ZMYM2: variants seen among roughly 807,000 people sequenced by gnomAD.
ZMYM2 encodes zinc finger MYM-type containing 2, also known as zinc finger MYM-type protein 2.
ZMYM2 carries 56 observed loss-of-function variants against 162.8 expected under a neutral mutation model. That is an observed-to-expected ratio of 0.34 (90% CI 0.28 to 0.43). The LOEUF (loss-of-function observed/expected upper bound fraction) is 0.43. ZMYM2 is among the 20% of genes least tolerant of loss of function. The pLI, the probability that ZMYM2 is intolerant of heterozygous loss-of-function variation, is 1.00. For synonymous variants in ZMYM2, 510 were observed against 541.6 expected (o/e 0.94, Z 0.81); for missense variants, 1,275 against 1,621.8 (o/e 0.79, Z 3.67).
chr13:19,877,966 C>G, the ZMYM2 span, among the ~76,000 whole-genome samples: 4 of 152,100 alleles, frequency 2.6e-5, no homozygotes, highest in Non-Finnish European at 2.9e-5. Context: ...CTGTTTTCCA[C>G]AGCATCTGTA....
At chr13:19,938,078 T>A in the ZMYM2 span, among the ~76,000 whole-genome samples, 8 of 152,196 alleles carry the variant, frequency 5.3e-5, no homozygotes, top group Non-Finnish European at 1.2e-4. Context: ...TGGTTCCAAG[T>A]CTTTGCCATT....
chr13:20,031,831 A>G (rs1049247831), intron 10 of ZMYM2, among the ~76,000 whole-genome samples: 1 of 141,574 alleles, frequency 7.1e-6, no homozygotes, highest in African/African-American at 2.6e-5. Context: ...CATATACCAC[A>G]TTGTCATTTA....
At chr13:19,972,044 A>G (rs551543459) in intron 2 of ZMYM2, among the ~76,000 whole-genome samples, 22 of 152,320 alleles carry the variant, frequency 1.4e-4, no homozygotes, top group African/African-American at 5.3e-4. Flanking sequence ...TTTTGGTCCT[A>G]TAGGAGAGAA....
At chr13:20,044,027 T>G (rs1454356965) in intron 12 of ZMYM2, among the ~76,000 whole-genome samples, 1 of 152,080 alleles carries the variant, frequency 6.6e-6, no homozygotes, top group South Asian at 2.1e-4. Context: ...GCCAACAGAT[T>G]AAGGGATGCT....
the ZMYM2 span, among the ~76,000 whole-genome samples, chr13:19,932,709 T>C: frequency 6.6e-6 from 1 of 151,592 alleles, no homozygotes; most frequent in Non-Finnish European, 1.5e-5. Context: ...TGTGAACATG[T>C]GAAGATCCAG....
intron 12 of ZMYM2, among the ~76,000 whole-genome samples, chr13:20,048,417 C>T (rs1171818700): frequency 2.6e-5 from 4 of 151,822 alleles, no homozygotes; most frequent in Non-Finnish European, 5.9e-5. Context: ...CACCTTTTAT[C>T]CCTGCATTCT....
the ZMYM2 span, among the ~76,000 whole-genome samples, chr13:19,865,202 T>C: frequency 2.0e-5 from 3 of 148,716 alleles, no homozygotes; most frequent in South Asian, 4.1e-4. Flanking sequence ...TAAAATACGC[T>C]AACAGTAACA....
chr13:19,884,661 A>G, the ZMYM2 span, among the ~76,000 whole-genome samples: 3 of 152,262 alleles, frequency 2.0e-5, no homozygotes, highest in African/African-American at 7.2e-5. Context: ...CCGGTGTGCC[A>G]TAGTTCTTAA....
chr13:19,961,251 A>G (rs560343320), intron 2 of ZMYM2, among the ~76,000 whole-genome samples: 2 of 152,234 alleles, frequency 1.3e-5, no homozygotes, highest in South Asian at 4.1e-4. Flanking sequence ...AACATGTGTT[A>G]AGTAATTTAA....
At chr13:20,019,307 T>C (rs1951878605) in intron 6 of ZMYM2, among the ~76,000 whole-genome samples, 1 of 152,176 alleles carries the variant, frequency 6.6e-6, no homozygotes, top group Non-Finnish European at 1.5e-5. Flanking sequence ...CTTTAATTCC[T>C]TAGCCCATTA....
rs1004693101 is a variant in ZMYM2 at position 19,999,452 on chromosome 13, C to G, written c.848-3398C>G. Among the ~76,000 whole-genome samples, 15 of 152,026 alleles carry G rather than the reference C, an allele frequency of 9.9e-5. 1 individual carries two copies. Among genetic ancestry groups the G allele is most frequent in the African/African-American group, 3.6e-4 (15 of 41,358 alleles). ...GTTACTATTGTAATTGTTTTGGATG[C>G]CACAAACCATACCCATATGAGAGTG... On this transcript the variant is annotated intron_variant, in intron 3 of 24. Coordinates refer to ENST00000610343, the MANE Select transcript of ZMYM2 (RefSeq NM_197968.4).
chr13:19,910,536 T>C, the ZMYM2 span, among the ~76,000 whole-genome samples: 1 of 150,222 alleles, frequency 6.7e-6, no homozygotes, highest in Admixed American at 6.6e-5. Flanking sequence ...CTCTCTCTCT[T>C]TTTTTTTTTT....
At chr13:20,002,620 G>A (rs1950479547) in intron 3 of ZMYM2, among the ~76,000 whole-genome samples, 1 of 151,648 alleles carries the variant, frequency 6.6e-6, no homozygotes, top group African/African-American at 2.4e-5. Context: ...CCCTTTTTTT[G>A]TGCTGAGAAC....
At chr13:19,935,380 G>A in the ZMYM2 span, among the ~76,000 whole-genome samples, 2 of 151,956 alleles carry the variant, frequency 1.3e-5, no homozygotes, top group South Asian at 2.1e-4. Flanking sequence ...CAAGTGATCC[G>A]CCTGCCTCAG....
chr13:19,951,455 T>G, the ZMYM2 span, among the ~76,000 whole-genome samples: 1 of 139,540 alleles, frequency 7.2e-6, no homozygotes, highest in Admixed American at 8.1e-5. Flanking sequence ...TTTGGGAGGC[T>G]GAGGCAGGTG....
intron 12 of ZMYM2, among the ~76,000 whole-genome samples, 161 bp from the exon 13 acceptor site, chr13:20,051,272 T>TTTTC (rs1955312209): frequency 6.8e-6 from 1 of 147,776 alleles, no homozygotes; most frequent in East Asian, 2.0e-4. Context: ...TTTTTTTTTT[T>TTTTC]CATTTATTGT....
chr13:20,050,311 C>T (rs948572827), intron 12 of ZMYM2, among the ~76,000 whole-genome samples: 1 of 151,770 alleles, frequency 6.6e-6, no homozygotes, highest in Non-Finnish European at 1.5e-5. Flanking sequence ...GTTAACATTC[C>T]TGACCAGGAA....
In ZMYM2 at chr13:20,062,899, C is replaced by T. The variant is rs192135180; in HGVS notation, c.2965C>T (p.Pro989Ser). 1.0e-5 allele frequency: 16 copies of T among 1,598,806 alleles called. No homozygotes were observed. In the African/African-American group the frequency reaches 1.9e-4, roughly 19 times the overall value. Residue 989 changes from proline (P) to serine (S), a missense_variant, in exon 18 of 25, where the codon CCA becomes TCA. Pro to Ser is a moderately conservative substitution (Grantham distance 74, BLOSUM62 -1). This residue lies in a region of ZMYM2 where 229 missense variants were observed against 283.8 expected (regional missense o/e 0.81). Coordinates refer to ENST00000610343, the MANE Select transcript of ZMYM2 (RefSeq NM_197968.4). ...TTCAGACCTTTTGAAGAACTCTGACCCAGAGACACAGTCCAGCATGCCTGA... is the reference window on the plus strand; with the variant it reads ...TTCAGACCTTTTGAAGAACTCTGACTCAGAGACACAGTCCAGCATGCCTGA... ...IGSDLLKNSD[P>S]ETQSSMPDVP...
the ZMYM2 span, among the ~76,000 whole-genome samples, chr13:19,948,668 A>G: frequency 6.6e-6 from 1 of 152,206 alleles, no homozygotes; most frequent in African/African-American, 2.4e-5. Flanking sequence ...ACTCTAATAT[A>G]TTAAACTATG....
Sources: gnomAD v4.1 joint callset for allele counts (sites outside exome capture counted in the v4.1 genomes callset) on GRCh38, gnomAD v4.1.1 for gene constraint, gnomAD v4.1.1 regional missense constraint, MANE v1.5 for transcripts, NCBI Gene and HGNC (gene_info 2026-07-23, HGNC 2026-07-21) for gene names.